The following ACSBG1 variants were observed in gnomAD, a reference collection of about 807,000 sequenced individuals.
ACSBG1 encodes long-chain-fatty-acid--CoA ligase ACSBG1.
Under a neutral mutation model 80.2 loss-of-function variants are expected in ACSBG1, and 39 were observed. That is an observed-to-expected ratio of 0.49 (90% CI 0.38 to 0.64). The LOEUF is 0.64. Among genes scored for constraint, ACSBG1 ranks in the 30% least tolerant of loss-of-function variants. The pLI, the probability that ACSBG1 is intolerant of heterozygous loss-of-function variation, is 0.00. For synonymous variants in ACSBG1, 392 were observed against 379.5 expected (o/e 1.03, Z -0.38); for missense variants, 828 against 966.4 (o/e 0.86, Z 1.90).
At position 78,234,545 on chromosome 15, in the gene ACSBG1, A is replaced by C; in HGVS notation, c.-44T>G. ...GAAGACAGCTCAGTCACCCACTGAG[A>C]GAGGCTAGCCTTGAGTGAGCAGTGG... On this transcript the variant is annotated 5_prime_UTR_variant, in exon 1 of 14. Transcript: ENST00000258873. The C allele has an allele frequency of 6.8e-7, 1 of 1,468,486 alleles. No homozygotes were observed. The highest frequency in any genetic ancestry group is 1.1e-5 in the South Asian group (1 of 88,708). 91.0% of individuals were successfully genotyped at this position (1,468,486 alleles called of 1,614,324 possible).
At position 78,182,667 on chromosome 15, in the gene ACSBG1, T is replaced by C. The variant is rs780007747; in HGVS notation, c.744+38A>G. Reference sequence around the variant, plus strand: ...GGCTAGGTCAGCTGGGTGGGCCCAATAGGCCCCACCTGGCGCCCAGGGCCC... The same window carrying C: ...GGCTAGGTCAGCTGGGTGGGCCCAACAGGCCCCACCTGGCGCCCAGGGCCC... On this transcript the variant is annotated intron_variant, in intron 6 of 13. Transcript: ENST00000258873. 7 of 1,613,766 alleles carry C rather than the reference T, an allele frequency of 4.3e-6. No homozygotes were observed. In the African/African-American group the frequency reaches 5.3e-5, roughly 12 times the overall value.
At chr15:78,187,832 A>G (rs1186064174) in intron 5 of ACSBG1, among the ~76,000 whole-genome samples, 2 of 152,184 alleles carry the variant, frequency 1.3e-5, no homozygotes, top group Non-Finnish European at 1.5e-5. Flanking sequence ...CAGGGCAATT[A>G]GGCAGGAGAA....
chr15:78,180,366 G>T (rs930889799), intron 9 of ACSBG1, among the ~76,000 whole-genome samples: 1 of 152,136 alleles, frequency 6.6e-6, no homozygotes, highest in African/African-American at 2.4e-5. Context: ...AGATAGAAAG[G>T]GCAAAATATC....
chr15:78,185,107 G>A (rs1383319058), intron 5 of ACSBG1, among the ~76,000 whole-genome samples: 1 of 152,088 alleles, frequency 6.6e-6, no homozygotes, highest in Non-Finnish European at 1.5e-5. Context: ...TTGTCTTACT[G>A]AGTTGAGGTG....
intron 1 of ACSBG1, among the ~76,000 whole-genome samples, chr15:78,211,943 G>A (rs1299386126): frequency 6.6e-6 from 1 of 152,168 alleles, no homozygotes; most frequent in African/African-American, 2.4e-5. Flanking sequence ...CTGTCCTCTG[G>A]CCATGAGTAC....
intron 1 of ACSBG1, among the ~76,000 whole-genome samples, chr15:78,233,248 C>T (rs1252563833): frequency 6.6e-6 from 1 of 152,204 alleles, no homozygotes; most frequent in Admixed American, 6.5e-5. Flanking sequence ...AACAGGAGTC[C>T]ACTTTGGATT....
chr15:78,208,056 C>A lies in ACSBG1; in HGVS notation c.178G>T (p.Ala60Ser). 1 of 1,614,070 alleles carries A rather than the reference C, an allele frequency of 6.2e-7. No homozygotes were observed. The highest frequency in any genetic ancestry group is 8.5e-7 in the Non-Finnish European group (1 of 1,180,010). The stretch of plus-strand genomic sequence containing the variant: ...TTCTCTGGCACTGAGAGCTCGAGAG[C>A]ATGGTTCAGGGACTCTTTGGAGAGT... ...QPLSKESLNH[A>S]LELSVPEKVN... Residue 60 changes from alanine (A) to serine (S), a missense_variant, in exon 2 of 14, where the codon GCT (alanine) becomes TCT (serine). Ala to Ser is a moderately conservative substitution (Grantham distance 99, BLOSUM62 1). Coordinates refer to ENST00000258873, the MANE Select transcript of ACSBG1 (RefSeq NM_015162.5).
In ACSBG1 at chr15:78,185,771, C is replaced by G. The variant is rs1365694541; in HGVS notation, c.664-2986G>C. Among the ~76,000 whole-genome samples the G allele has an allele frequency of 2.0e-5, 3 of 151,762 alleles. No individual in the cohort carries two copies. In the East Asian group the frequency reaches 5.8e-4, roughly 29 times the overall value. On this transcript the variant is annotated intron_variant, in intron 5 of 13. Coordinates refer to ENST00000258873, the MANE Select transcript of ACSBG1 (RefSeq NM_015162.5). ...CTTAAAAGCAGCCAGAAAAACAAAA[C>G]ACTATGTGGAGAGGAACGAAAATAA...
intron 10 of ACSBG1, chr15:78,179,098 T>A (rs1185978326): frequency 1.9e-6 from 1 of 515,590 alleles, no homozygotes; most frequent in African/African-American, 1.9e-5. Context: ...AGATATTTAA[T>A]CATAATAGAT....
intron 4 of ACSBG1, 79 bp from the exon 5 acceptor site, chr15:78,193,705 C>A (rs555416343): frequency 1.4e-5 from 21 of 1,526,416 alleles, no homozygotes; most frequent in East Asian, 2.3e-5. Context: ...CATCTGTAGC[C>A]CCCAGACCCA....
chr15:78,189,042 T>C (rs1214880242), intron 5 of ACSBG1, among the ~76,000 whole-genome samples: 7 of 151,830 alleles, frequency 4.6e-5, no homozygotes, highest in African/African-American at 1.7e-4. Context: ...AAAGAAGACA[T>C]CTATGCAGCC....
chr15:78,210,137 TGC>T (rs1346540195), intron 1 of ACSBG1, among the ~76,000 whole-genome samples: 1 of 152,162 alleles, frequency 6.6e-6, no homozygotes, highest in Middle Eastern at 3.2e-3. Flanking sequence ...CAGCACCCAG[TGC>T]AGTGTCAAAT....
chr15:78,182,726 G>C lies in ACSBG1; in HGVS notation c.723C>G (p.Asn241Lys). ...AVVIYKEPPP[N>K]KMANVYTMEE... ...ATACCGTGTACACATTGGCCATCTT[G>C]TTTGGAGGAGGTTCTTTATATATCA... Residue 241 changes from asparagine (N) to lysine (K), a missense_variant, in exon 6 of 14, where the codon AAC becomes AAG. Transcript: ENST00000258873. 2 of 1,614,262 alleles carry C rather than the reference G, an allele frequency of 1.2e-6. No homozygotes were observed. Among genetic ancestry groups the C allele is most frequent in the Non-Finnish European group, 1.7e-6 (2 of 1,180,050 alleles).
rs150203146 is a variant in ACSBG1, at chr15:78,224,516, G to A, written c.131+9855C>T. 1.4e-3 allele frequency among the ~76,000 whole-genome samples: 206 copies of A among 152,032 alleles called. 2 individuals carry two copies. Among genetic ancestry groups the A allele is most frequent in the Non-Finnish European group, 5.4e-4 (37 of 67,966 alleles). Reference sequence around the variant, plus strand: ...AGGCAGATCACAAGATCAGGAGATCGAGGCCACCCTGGCTAACACGGTGAA... The same window carrying A: ...AGGCAGATCACAAGATCAGGAGATCAAGGCCACCCTGGCTAACACGGTGAA... On this transcript the variant is annotated intron_variant, in intron 1 of 13. Coordinates refer to ENST00000258873, the MANE Select transcript of ACSBG1 (RefSeq NM_015162.5).
intron 1 of ACSBG1, among the ~76,000 whole-genome samples, chr15:78,227,374 C>T (rs1170759318): frequency 1.3e-5 from 2 of 151,256 alleles, no homozygotes; most frequent in African/African-American, 4.9e-5. Flanking sequence ...ATTAAGAACC[C>T]AATTACAAAA....
chr15:78,180,688 C>A lies in ACSBG1; in HGVS notation c.1253+67G>T. 2.6e-6 allele frequency: 4 copies of A among 1,557,880 alleles called. No individual in the cohort carries two copies. In the South Asian group the frequency reaches 4.8e-5, roughly 19 times the overall value. ...GGACAGGCATGGCGTATCAGACCCT[C>A]ACTGTGTTTTGGGTTATGACCCAGC... On this transcript the variant is annotated intron_variant, in intron 9 of 13. Coordinates refer to ENST00000258873, the MANE Select transcript of ACSBG1 (RefSeq NM_015162.5).
intron 1 of ACSBG1, among the ~76,000 whole-genome samples, chr15:78,229,500 GCT>G (rs1364455911): frequency 1.3e-5 from 2 of 152,196 alleles, no homozygotes; most frequent in South Asian, 2.1e-4. Flanking sequence ...TCCTGGGAAA[GCT>G]CTGTCAGTGG....
chr15:78,212,514 A>G (rs983985958), intron 1 of ACSBG1: 12 of 454,962 alleles, frequency 2.6e-5, no homozygotes, highest in African/African-American at 2.2e-4. Flanking sequence ...GCTGCGGGGC[A>G]GGAGGCGGGG....
intron 12 of ACSBG1, 41 bp from the exon 13 acceptor site, chr15:78,173,880 A>G (rs772772058): frequency 1.3e-6 from 2 of 1,595,796 alleles, no homozygotes; most frequent in African/African-American, 1.3e-5. Context: ...GCCTTACCCA[A>G]CAAGACGTAA....
Sources: allele counts gnomAD v4.1 joint callset (sites outside exome capture counted in the v4.1 genomes callset), GRCh38; gene constraint gnomAD v4.1.1; transcripts MANE v1.5; gene names NCBI Gene and HGNC (gene_info 2026-07-23, HGNC 2026-07-21).